The following TMEM201 variants were observed in gnomAD, a reference collection of about 807,000 sequenced individuals.
TMEM201 encodes transmembrane protein 201, also known as RP13-15M17.2.
Under a neutral mutation model 63.4 loss-of-function variants are expected in TMEM201, and 26 were observed. The ratio of observed to expected loss-of-function variants is 0.41; its 90% CI spans 0.30 to 0.57. TMEM201 has a LOEUF of 0.57. Ranked by LOEUF, TMEM201 falls within the 20% of genes least tolerant of loss-of-function variation. The pLI, the probability that TMEM201 is intolerant of heterozygous loss-of-function variation, is 0.29. For missense variants in TMEM201, 794 were observed against 917.7 expected (o/e 0.87, Z 1.74); for synonymous variants, 417 against 421.6 (o/e 0.99, Z 0.14).
intron 9 of TMEM201, among the ~76,000 whole-genome samples, chr1:9,611,237 G>A (rs1228285753): frequency 3.4e-5 from 5 of 145,524 alleles, no homozygotes; most frequent in Non-Finnish European, 5.9e-5. Context: ...TCACTCTGTC[G>A]CCCAGGCTGG....
chr1:9,601,931 G>T (rs1644150544), intron 5 of TMEM201, 138 bp from the exon 6 acceptor site: 1 of 1,014,000 alleles, frequency 9.9e-7, no homozygotes, highest in Non-Finnish European at 1.4e-6. Context: ...TGAGTGTGAG[G>T]GGATTCCGAG....
chr1:9,601,948 C>A, intron 5 of TMEM201, 121 bp from the exon 6 acceptor site: 1 of 1,219,946 alleles, frequency 8.2e-7, no homozygotes, highest in Non-Finnish European at 1.1e-6. Context: ...CGAGCCCACA[C>A]TGTCCCCTGG....
At chr1:9,594,613 G>A (rs1198329916) in intron 1 of TMEM201, among the ~76,000 whole-genome samples, 1 of 152,244 alleles carries the variant, frequency 6.6e-6, no homozygotes, top group African/African-American at 2.4e-5. Flanking sequence ...GGAGAAGGGG[G>A]TGGAGGGGAG....
intron 10 of TMEM201, among the ~76,000 whole-genome samples, chr1:9,612,343 G>A (rs921219983): frequency 5.9e-5 from 9 of 152,292 alleles, no homozygotes; most frequent in East Asian, 3.9e-4. Context: ...ACCGGGTGCC[G>A]AGCTGCCTGG....
chr1:9,611,696 G>A (rs532232685), intron 9 of TMEM201, 57 bp from the exon 10 acceptor site: 120 of 1,548,002 alleles, frequency 7.8e-5, no homozygotes, highest in African/African-American at 2.3e-4. Flanking sequence ...GCTGCCCCGC[G>A]TCTGTCCCTG....
intron 1 of TMEM201, among the ~76,000 whole-genome samples, chr1:9,590,737 T>C (rs1643906394): frequency 1.3e-5 from 2 of 152,136 alleles, no homozygotes; most frequent in South Asian, 4.1e-4. Flanking sequence ...GGCCAGCCTT[T>C]CCCAGGATGC....
chr1:9,589,474 C>T (rs550180065), intron 1 of TMEM201, among the ~76,000 whole-genome samples: 1 of 152,362 alleles, frequency 6.6e-6, no homozygotes, highest in Admixed American at 6.5e-5. Flanking sequence ...AGAGCCACAG[C>T]CCCTGCTTAC....
intron 2 of TMEM201, 146 bp downstream of exon 2, chr1:9,596,156 T>C: frequency 9.2e-7 from 1 of 1,082,130 alleles, no homozygotes. Flanking sequence ...GCCCTGAGCA[T>C]GGTGTTTCGT....
chr1:9,591,135 C>A (rs1234549071), intron 1 of TMEM201, among the ~76,000 whole-genome samples: 6 of 152,260 alleles, frequency 3.9e-5, no homozygotes, highest in Admixed American at 1.3e-4. Flanking sequence ...AGGGCCCGCC[C>A]TGGCTTCCCC....
At position 9,610,537 on chromosome 1, in the gene TMEM201, C is replaced by T; in HGVS notation, c.1497C>T (p.Pro499=). ...DYFSLLSGSC[P]SSPLPSPAPS... Reference sequence around the variant, plus strand: ...TCTCTCTTCTGTCGGGGAGCTGCCCCTCCTCCCCACTCCCTTCCCCAGCGC... The same window carrying T: ...TCTCTCTTCTGTCGGGGAGCTGCCCTTCCTCCCCACTCCCTTCCCCAGCGC... Residue 499 remains proline, a synonymous_variant, in exon 9 of 11, where the codon CCC becomes CCT. Transcript: ENST00000340381. The surrounding 1 kb of genome is among the most constrained non-coding windows in gnomAD (Gnocchi z 4.9). 20 of 1,542,080 alleles carry T rather than the reference C, an allele frequency of 1.3e-5. No individual in the cohort carries two copies. The highest frequency in any genetic ancestry group is 1.7e-5 in the Non-Finnish European group (19 of 1,140,710).
At position 9,613,715 on chromosome 1, in the gene TMEM201, C is replaced by T. The variant is rs932133040; in HGVS notation, c.*632C>T. ...AGCGCGAGCCCCTGCCCCACCCTCC[C>T]CTGCCCCATGTGCCCTGCTTTGTGA... On this transcript the variant is annotated 3_prime_UTR_variant, in exon 11 of 11. Coordinates refer to ENST00000340381, the MANE Select transcript of TMEM201 (RefSeq NM_001130924.3). 1.3e-5 allele frequency: 2 copies of T among 152,640 alleles called. No individual in the cohort carries two copies. Among genetic ancestry groups the T allele is most frequent in the African/African-American group, 4.8e-5 (2 of 41,444 alleles). 9.5% of individuals were successfully genotyped at this position (152,640 alleles called of 1,614,324 possible). A position where few individuals can be genotyped will look rare whatever the true frequency, so the allele number is the denominator to read the frequency against.
chr1:9,602,506 C>T lies in TMEM201; in HGVS notation c.1160+234C>T, dbSNP rs1407946408. On this transcript the variant is annotated intron_variant, in intron 6 of 10. Coordinates refer to ENST00000340381, the MANE Select transcript of TMEM201 (RefSeq NM_001130924.3). ...GCCATCCCCGAGTGCCCTGTAGCCA[C>T]TCACCACTGCTGCCACCTCTCTGGC... is the stretch of plus-strand genomic sequence containing the variant. 6 of 1,411,912 alleles carry T rather than the reference C, an allele frequency of 4.2e-6. No homozygotes were observed. The South Asian group carries it at 9.0e-5, about 21-fold the overall frequency. The allele number at this position is 1,411,912 out of a possible 1,614,324, so 87.5% of individuals were successfully genotyped here.
rs1644220498 is a variant in TMEM201, at chr1:9,605,199, G to A, written c.1161-2358G>A. 6.6e-6 allele frequency among the ~76,000 whole-genome samples: 1 copy of A among 152,216 alleles called. No individual in the cohort carries two copies. The highest frequency in any genetic ancestry group is 1.9e-4 in the East Asian group (1 of 5,200). On this transcript the variant is annotated intron_variant, in intron 6 of 10. Coordinates refer to ENST00000340381, the MANE Select transcript of TMEM201 (RefSeq NM_001130924.3). The surrounding 1 kb of genome is among the most constrained non-coding windows in gnomAD (Gnocchi z 5.7). ...TCTCTCTCCTTCCACTCCTGATGTG[G>A]GCTGGGATTGGGTCGGAGAAGACCA...
Position 9,596,981 on chromosome 1 carries a change from G to T in TMEM201, c.357G>T (p.Leu119=). 2.5e-6 allele frequency: 4 copies of T among 1,613,104 alleles called. No homozygotes were observed. In the South Asian group the frequency reaches 3.3e-5, roughly 13 times the overall value. Residue 119 remains leucine (L), a synonymous_variant, in exon 3 of 11, where the codon CTG becomes CTT. Transcript: ENST00000340381. ...AGCAGTGGGTGAGCAGCCAAGTCCT[G>T]CTGTGCAAGAGGTGCAACCACCACC... The part of the protein sequence containing the change: ...QPQQWVSSQV[L]LCKRCNHHQT...
At chr1:9,601,477 G>A (rs1224696915) in intron 5 of TMEM201, 23 bp downstream of exon 5, 2 of 1,559,504 alleles carry the variant, frequency 1.3e-6, no homozygotes, top group Admixed American at 1.7e-5. Flanking sequence ...CCAGGGCCAG[G>A]AGTTGGCGGG....
rs1569966715 is a variant in TMEM201 at position 9,611,941 on chromosome 1, C to A, written c.1903+51C>A. On this transcript the variant is annotated intron_variant, in intron 10 of 10. Transcript: ENST00000340381. Reference sequence around the variant, plus strand: ...GAGGGGGTGGGCACACATCCGAAGCCACCATCTCCCCCAGGGGGGTCCAGA... The same window carrying A: ...GAGGGGGTGGGCACACATCCGAAGCAACCATCTCCCCCAGGGGGGTCCAGA... The A allele has an allele frequency of 4.7e-6, 7 of 1,489,732 alleles. No homozygotes were observed. The Admixed American group carries it at 1.7e-4, about 35-fold the overall frequency. 92.3% of individuals were successfully genotyped at this position (1,489,732 alleles called of 1,614,324 possible). A position where few individuals can be genotyped will look rare whatever the true frequency, so the allele number is the denominator to read the frequency against.
intron 3 of TMEM201, among the ~76,000 whole-genome samples, chr1:9,598,073 G>T (rs1025913456): frequency 6.6e-6 from 1 of 152,214 alleles, no homozygotes; most frequent in Non-Finnish European, 1.5e-5. Context: ...TTGTCCATCT[G>T]CCCCACTCCA....
At chr1:9,599,887 T>G (rs966274335) in intron 4 of TMEM201, among the ~76,000 whole-genome samples, 4 of 152,202 alleles carry the variant, frequency 2.6e-5, no homozygotes, top group Non-Finnish European at 5.9e-5. Context: ...CGTGAGCCAC[T>G]GCGCCCGGCC....
chr1:9,602,647 G>T (rs1253298592), intron 6 of TMEM201: 20 of 1,162,732 alleles, frequency 1.7e-5, no homozygotes, highest in Non-Finnish European at 2.1e-5. Context: ...CCGTTTGCTG[G>T]CTCTGACACT....
Sources: gnomAD v4.1 joint callset for allele counts (sites outside exome capture counted in the v4.1 genomes callset) on GRCh38, gnomAD v4.1.1 for gene constraint, Gnocchi (gnomAD v3.1) non-coding constraint, MANE v1.5 for transcripts, NCBI Gene and HGNC (gene_info 2026-07-23, HGNC 2026-07-21) for gene names.